COL6A5: variants seen among roughly 807,000 people sequenced by gnomAD.
COL6A5 encodes collagen alpha-5(VI) chain.
COL6A5 carries 48 observed loss-of-function variants against 65.6 expected under a neutral mutation model. That is an observed-to-expected ratio of 0.73 (90% CI 0.58 to 0.93). COL6A5 has a LOEUF of 0.93. Among genes scored for constraint, COL6A5 ranks in the 40% least tolerant of loss-of-function variants. COL6A5 has a pLI of 0.00. For synonymous variants in COL6A5, 291 were observed against 322.8 expected (o/e 0.90, Z 1.05); for missense variants, 914 against 928.3 (o/e 0.98, Z 0.20).
chr3:130,404,915 T>C (rs1028701301), intron 13 of COL6A5, among the ~76,000 whole-genome samples: 2 of 152,188 alleles, frequency 1.3e-5, no homozygotes, highest in Admixed American at 1.3e-4. Context: ...AAAGACACAG[T>C]TGGGGTTCCT....
chr3:130,348,435 C>T (rs1559850480), intron 1 of COL6A5, among the ~76,000 whole-genome samples: 1 of 152,280 alleles, frequency 6.6e-6, no homozygotes, highest in East Asian at 1.9e-4. Flanking sequence ...TATCCATGTC[C>T]CTGCAAAGGA....
At chr3:130,389,075 A>T in exon 6 of COL6A5, 1 of 1,480,892 alleles carries the variant, frequency 6.8e-7, no homozygotes, top group Non-Finnish European at 9.0e-7. Context: ...CATGTTGAGA[A>T]CTTCGATCAT....
intron 25 of COL6A5, 21 bp downstream of exon 25, chr3:130,418,952 T>C (rs1937443575): frequency 3.2e-6 from 5 of 1,546,958 alleles, no homozygotes; most frequent in Non-Finnish European, 4.4e-6. Flanking sequence ...TTGAAGTCCC[T>C]ACCCTCCCCA....
exon 1 of COL6A5, chr3:130,431,667 T>C: frequency 6.4e-7 from 1 of 1,551,614 alleles, no homozygotes; most frequent in South Asian, 1.2e-5. Context: ...TCCGCTGGTC[T>C]GACTACAATA....
At chr3:130,430,777 C>G (rs1394460800), upstream of COL6A5, among the ~76,000 whole-genome samples, 1 of 152,162 alleles carries the variant, frequency 6.6e-6, no homozygotes, top group East Asian at 1.9e-4. Context: ...TGGAAACAGC[C>G]TCTTTATCCT....
intron 20 of COL6A5, among the ~76,000 whole-genome samples, chr3:130,410,985 A>T (rs1559887329): frequency 1.3e-5 from 2 of 152,192 alleles, no homozygotes; most frequent in Non-Finnish European, 2.9e-5. Flanking sequence ...CTTACATAAG[A>T]ATACTATGAA....
At chr3:130,457,971 G>A (rs1353326456) in intron 5 of COL6A5, among the ~76,000 whole-genome samples, 1 of 152,104 alleles carries the variant, frequency 6.6e-6, no homozygotes, top group Non-Finnish European at 1.5e-5. Flanking sequence ...GCTGATGGCT[G>A]AGCTTTCTGC....
intron 1 of COL6A5, among the ~76,000 whole-genome samples, chr3:130,437,732 C>A (rs1709066717): frequency 2.0e-5 from 3 of 152,042 alleles, no homozygotes; most frequent in Admixed American, 2.0e-4. Context: ...CCCTCGCTTC[C>A]CCAGAGCTTT....
exon 6 of COL6A5, chr3:130,469,164 G>A: frequency 6.2e-7 from 1 of 1,613,128 alleles, no homozygotes; most frequent in Non-Finnish European, 8.5e-7. Flanking sequence ...GTTTTTATTG[G>A]CCATGCCTTG....
intron 4 of COL6A5, among the ~76,000 whole-genome samples, chr3:130,451,076 TA>T (rs1553757945): frequency 4.6e-5 from 7 of 152,138 alleles, no homozygotes; most frequent in Non-Finnish European, 1.5e-5. Flanking sequence ...CATCTTAACA[TA>T]AGGAGAAGTA....
intron 5 of COL6A5, among the ~76,000 whole-genome samples, chr3:130,459,478 G>A (rs1016969711): frequency 6.6e-6 from 1 of 152,052 alleles, no homozygotes; most frequent in African/African-American, 2.4e-5. Flanking sequence ...AACGTCTGGA[G>A]ACATTTTTTT....
At chr3:130,395,319 G>A in exon 8 of COL6A5, 1 of 1,551,368 alleles carries the variant, frequency 6.4e-7, no homozygotes, top group Non-Finnish European at 8.7e-7. Context: ...CTGGTTTTGG[G>A]CATAGGAGAT....
intron 4 of COL6A5, among the ~76,000 whole-genome samples, chr3:130,449,279 G>A (rs779324334): frequency 3.3e-5 from 5 of 152,142 alleles, no homozygotes; most frequent in African/African-American, 4.8e-5. Context: ...GAGGGGTTTA[G>A]TAATCCCTTC....
intron 25 of COL6A5, among the ~76,000 whole-genome samples, chr3:130,419,900 A>G (rs1161346188): frequency 6.6e-6 from 1 of 152,144 alleles, no homozygotes; most frequent in Non-Finnish European, 1.5e-5. Context: ...CAACAAAAAA[A>G]GAAAAAAATA....
intron 7 of COL6A5, among the ~76,000 whole-genome samples, chr3:130,478,784 A>T (rs576796078): frequency 7.9e-5 from 12 of 152,194 alleles, no homozygotes; most frequent in Middle Eastern, 6.8e-3. Context: ...TAAGGCTTCA[A>T]ATCTTTTCGA....
chr3:130,349,276 G>C (rs1156433258), intron 1 of COL6A5, among the ~76,000 whole-genome samples: 1 of 152,222 alleles, frequency 6.6e-6, no homozygotes, highest in African/African-American at 2.4e-5. Context: ...AATGGAATTA[G>C]AGTTTCAGAA....
Position 130,398,122 on chromosome 3 carries a change from G to GTT in COL6A5, c.3991+12_3991+13dup, listed in dbSNP as rs1378073311. On this transcript the variant is annotated intron_variant and NMD_transcript_variant, in intron 10 of 41. Coordinates refer to the COL6A5 transcript ENST00000312481. ...GGCTCAGAGAAGCAGGTATTGAGTT[G>GTT]TTGTTGTTTTTTTTTTTTTTTTTTT... 13 of 1,161,704 alleles carry GTT rather than the reference G, an allele frequency of 1.1e-5. No individual in the cohort carries two copies. The highest frequency in any genetic ancestry group is 8.4e-5 in the East Asian group (3 of 35,640). 72.0% of individuals were successfully genotyped at this position (1,161,704 alleles called of 1,614,324 possible).
chr3:130,391,450 T>G, exon 7 of COL6A5: 2 of 1,551,692 alleles, frequency 1.3e-6, no homozygotes, highest in Non-Finnish European at 1.7e-6. Context: ...CTGCCAAGGC[T>G]CTCAAGCACG....
intron 3 of COL6A5, among the ~76,000 whole-genome samples, chr3:130,441,962 T>G (rs1709192635): frequency 1.3e-5 from 2 of 152,168 alleles, no homozygotes; most frequent in Non-Finnish European, 1.5e-5. Flanking sequence ...CCAGTTTCCT[T>G]GCTATTCAAA....
Sources: allele counts gnomAD v4.1 joint callset (sites outside exome capture counted in the v4.1 genomes callset), GRCh38; gene constraint gnomAD v4.1.1; transcripts MANE v1.5; gene names NCBI Gene and HGNC (gene_info 2026-07-23, HGNC 2026-07-21).